The following OLFM3 variants were observed in gnomAD, a reference collection of about 807,000 sequenced individuals.
The protein encoded by OLFM3 is noelin-3.
A neutral mutation model predicts 48.6 loss-of-function variants in OLFM3; 20 were observed. The ratio of observed to expected loss-of-function variants is 0.41; its 90% CI spans 0.29 to 0.60. The LOEUF is 0.60. Among genes scored for constraint, OLFM3 ranks in the 20% least tolerant of loss-of-function variants. The pLI is 0.28. For missense variants in OLFM3, 437 were observed against 544.3 expected, an observed-to-expected ratio of 0.80 and a Z score of 1.96; for synonymous variants, 222 against 198.1, an observed-to-expected ratio of 1.12 and a Z score of -1.01.
intron 1 of OLFM3, among the ~76,000 whole-genome samples, chr1:101,977,480 C>A (rs1332615585): frequency 6.6e-6 from 1 of 152,098 alleles, no homozygotes; most frequent in African/African-American, 2.4e-5. Flanking sequence ...CTGAACTGAA[C>A]ATGTGCTCGG....
intron 1 of OLFM3, among the ~76,000 whole-genome samples, chr1:101,996,136 GA>G (rs759502763): frequency 1.3e-5 from 2 of 152,082 alleles, no homozygotes; most frequent in Non-Finnish European, 2.9e-5. Context: ...CTGATAATCA[GA>G]ACTTCCTCAG....
chr1:101,870,745 T>C (rs1185466333), intron 1 of OLFM3, among the ~76,000 whole-genome samples: 1 of 151,994 alleles, frequency 6.6e-6, no homozygotes, highest in Non-Finnish European at 1.5e-5. Flanking sequence ...TGTGGGGGTG[T>C]AGGCAGAAAG....
intron 1 of OLFM3, among the ~76,000 whole-genome samples, chr1:101,886,530 C>G (rs769936639): frequency 7.2e-5 from 11 of 152,046 alleles, no homozygotes; most frequent in Non-Finnish European, 2.9e-5. Context: ...GGGGAAGAAT[C>G]AGGATCCAAG....
intron 1 of OLFM3, among the ~76,000 whole-genome samples, chr1:101,949,727 A>G (rs12134538): frequency 0.52 from 79,209 of 151,650 alleles, 21,090 homozygotes; most frequent in Middle Eastern, 0.62. Context: ...TCAGGAGATC[A>G]AGACCATCCT....
intron 1 of OLFM3, among the ~76,000 whole-genome samples, chr1:101,952,348 A>T (rs1660167760): frequency 6.6e-6 from 1 of 152,106 alleles, no homozygotes; most frequent in African/African-American, 2.4e-5. Context: ...TAAAGCTCAG[A>T]GTTATTTAAT....
At chr1:101,973,038 G>C (rs1424681887) in intron 1 of OLFM3, among the ~76,000 whole-genome samples, 1 of 152,190 alleles carries the variant, frequency 6.6e-6, no homozygotes, top group African/African-American at 2.4e-5. Context: ...CTGTTTAAAT[G>C]TTTTAGAAAA....
intron 2 of OLFM3, among the ~76,000 whole-genome samples, chr1:101,833,008 C>T (rs561953114): frequency 5.2e-4 from 79 of 152,212 alleles, no homozygotes; most frequent in Middle Eastern, 3.4e-3. Flanking sequence ...AAACTGTCTA[C>T]GTATTTAAAT....
chr1:101,944,378 G>A (rs1304367487), intron 1 of OLFM3, among the ~76,000 whole-genome samples: 1 of 152,062 alleles, frequency 6.6e-6, no homozygotes, highest in Non-Finnish European at 1.5e-5. Flanking sequence ...AATGAAAAGT[G>A]GTAGTTGGTC....
chr1:101,924,520 A>T (rs1659201916), intron 1 of OLFM3, among the ~76,000 whole-genome samples: 1 of 152,150 alleles, frequency 6.6e-6, no homozygotes, highest in Admixed American at 6.5e-5. Flanking sequence ...ATTGTATTAG[A>T]TCCCACTTGC....
chr1:101,811,390 G>A (rs570414587), intron 4 of OLFM3, among the ~76,000 whole-genome samples: 49 of 152,176 alleles, frequency 3.2e-4, no homozygotes, highest in African/African-American at 1.1e-3. Flanking sequence ...ACTACCATCA[G>A]AGTGAACAGG....
At chr1:101,841,241 A>G (rs1437595454) in intron 1 of OLFM3, among the ~76,000 whole-genome samples, 1 of 152,164 alleles carries the variant, frequency 6.6e-6, no homozygotes, top group Non-Finnish European at 1.5e-5. Context: ...AATCCCTGCT[A>G]TTGTTTTAGT....
At chr1:101,860,264 GAAGTA>G (rs1471108797) in intron 1 of OLFM3, among the ~76,000 whole-genome samples, 1 of 151,958 alleles carries the variant, frequency 6.6e-6, no homozygotes, top group Non-Finnish European at 1.5e-5. Flanking sequence ...ATATTTCTTA[GAAGTA>G]AAGAAAAGCT....
intron 1 of OLFM3, among the ~76,000 whole-genome samples, chr1:101,904,257 A>G (rs1157262331): frequency 6.6e-6 from 1 of 152,138 alleles, no homozygotes; most frequent in Non-Finnish European, 1.5e-5. Context: ...GAATGATTGA[A>G]GATGGGAGAG....
chr1:101,988,652 A>AT lies in OLFM3; in HGVS notation c.69+8095dup, dbSNP rs573799292. On this transcript the variant is annotated intron_variant, in intron 1 of 5. Transcript: ENST00000370103. ...TGACTTATGTATTCTTCATATATTCATTTTTTCATGCAAAAAATACTTATT... is the reference window on the plus strand; with the variant it reads ...TGACTTATGTATTCTTCATATATTCATTTTTTTCATGCAAAAAATACTTATT... Among the ~76,000 whole-genome samples, 105 of 152,140 alleles carry AT rather than the reference A, an allele frequency of 6.9e-4. 3 individuals carry two copies. The South Asian group carries it at 0.015, about 22-fold the overall frequency.
At chr1:101,822,265 TC>T (rs1557688163) in intron 4 of OLFM3, among the ~76,000 whole-genome samples, 1 of 152,150 alleles carries the variant, frequency 6.6e-6, no homozygotes, top group Non-Finnish European at 1.5e-5. Context: ...GAAGGAAAGC[TC>T]ATTTATAAAA....
chr1:101,958,174 T>C (rs1660355271), intron 1 of OLFM3, among the ~76,000 whole-genome samples: 1 of 152,142 alleles, frequency 6.6e-6, no homozygotes, highest in African/African-American at 2.4e-5. Flanking sequence ...CCACATTATA[T>C]GCTTTACTCA....
intron 1 of OLFM3, among the ~76,000 whole-genome samples, chr1:101,886,562 G>T (rs1037058709): frequency 6.6e-6 from 1 of 152,072 alleles, no homozygotes; most frequent in African/African-American, 2.4e-5. Context: ...TAGCTTGGGG[G>T]AACCAGCCCC....
intron 2 of OLFM3, among the ~76,000 whole-genome samples, chr1:101,834,947 C>T (rs1316984295): frequency 3.9e-5 from 6 of 152,106 alleles, no homozygotes; most frequent in Non-Finnish European, 8.8e-5. Context: ...TACTTTGAAC[C>T]TGTAAAGGGA....
chr1:101,881,066 C>T (rs961343512), intron 1 of OLFM3, among the ~76,000 whole-genome samples: 2 of 151,810 alleles, frequency 1.3e-5, no homozygotes, highest in African/African-American at 2.4e-5. Context: ...CATTTCTTAG[C>T]GGGCTTGCTG....
Sources: gnomAD v4.1 joint callset for allele counts (sites outside exome capture counted in the v4.1 genomes callset) on GRCh38, gnomAD v4.1.1 for gene constraint, MANE v1.5 for transcripts, NCBI Gene and HGNC (gene_info 2026-07-23, HGNC 2026-07-21) for gene names.